The following FPR3 variants were observed in gnomAD, a reference collection of about 807,000 sequenced individuals.
FPR3 encodes N-formyl peptide receptor 3.
For missense variants in FPR3, 346 were observed against 443.2 expected, an observed-to-expected ratio of 0.78 and a Z score of 1.97; for synonymous variants, 135 against 163.6, an observed-to-expected ratio of 0.83 and a Z score of 1.34.
chr19:51,809,531 T>A (rs555081627), intron 1 of FPR3, among the ~76,000 whole-genome samples: 1 of 152,322 alleles, frequency 6.6e-6, no homozygotes, highest in African/African-American at 2.4e-5. Flanking sequence ...GAGAAGGGTG[T>A]GATTTGCAGG....
intron 1 of FPR3, chr19:51,804,142 G>C (rs1379917004): frequency 6.6e-6 from 1 of 151,958 alleles, no homozygotes; most frequent in African/African-American, 2.4e-5. Context: ...TGCTTATAAG[G>C]GTCTGTTGCC....
chr19:51,795,404 G>C (rs767506423), intron 1 of FPR3, 73 bp downstream of exon 1: 2 of 151,274 alleles, frequency 1.3e-5, no homozygotes, highest in Non-Finnish European at 2.9e-5. Context: ...TCTAACTCTG[G>C]AGTAGCGTAG....
chr19:51,819,714 G>T (rs1174841392), intron 1 of FPR3, among the ~76,000 whole-genome samples: 3 of 152,156 alleles, frequency 2.0e-5, no homozygotes. Context: ...AGCAATTAGA[G>T]ACAACCATTT....
chr19:51,809,889 G>A (rs1307435717), intron 1 of FPR3, among the ~76,000 whole-genome samples: 1 of 152,106 alleles, frequency 6.6e-6, no homozygotes, highest in Non-Finnish European at 1.5e-5. Context: ...GACTGGGAAT[G>A]CCCTCATTGT....
chr19:51,808,277 T>G (rs2084073736), intron 1 of FPR3, among the ~76,000 whole-genome samples: 1 of 152,244 alleles, frequency 6.6e-6, no homozygotes, highest in Admixed American at 6.5e-5. Flanking sequence ...TATGGAGAAC[T>G]ACTTTCTGAG....
At chr19:51,810,234 G>A (rs1334049235) in intron 1 of FPR3, among the ~76,000 whole-genome samples, 1 of 152,174 alleles carries the variant, frequency 6.6e-6, no homozygotes. Flanking sequence ...CCTACATCTT[G>A]ACAAGCTCTG....
At position 51,824,876 on chromosome 19, in the gene FPR3, C is replaced by G. The variant is rs776984699; in HGVS notation, c.*66C>G. 44 of 1,282,654 alleles carry G rather than the reference C, an allele frequency of 3.4e-5. No homozygotes were observed. Among genetic ancestry groups the G allele is most frequent in the Non-Finnish European group, 3.9e-5 (37 of 936,842 alleles). The allele number at this position is 1,282,654 out of a possible 1,614,324, so 79.5% of individuals were successfully genotyped here. A position where few individuals can be genotyped will look rare whatever the true frequency, so the allele number is the denominator to read the frequency against. On this transcript the variant is annotated 3_prime_UTR_variant, in exon 2 of 2. Coordinates refer to ENST00000339223, the MANE Select transcript of FPR3 (RefSeq NM_002030.5). This position sits in a 1 kb window ranked among gnomAD's most constrained non-coding sequence, Gnocchi z 4.7. ...GTTAAGCGGAAAAAAAAAATTCTGA[C>G]AGTGTTTTTCTTCCTCTTTCATACC...
At chr19:51,815,681 A>C (rs2122465068) in intron 1 of FPR3, among the ~76,000 whole-genome samples, 2 of 151,686 alleles carry the variant, frequency 1.3e-5, no homozygotes, top group East Asian at 3.9e-4. Context: ...CCAGTCTAGG[A>C]TACATGGCGA....
At chr19:51,805,548 C>T (rs1367705983) in intron 1 of FPR3, among the ~76,000 whole-genome samples, 1 of 152,186 alleles carries the variant, frequency 6.6e-6, no homozygotes, top group Non-Finnish European at 1.5e-5. Flanking sequence ...TACACAAATA[C>T]GAGTGTGATT....
chr19:51,813,613 C>A (rs766457950), intron 1 of FPR3, among the ~76,000 whole-genome samples: 6 of 151,904 alleles, frequency 3.9e-5, no homozygotes, highest in Non-Finnish European at 5.9e-5. Context: ...TCACTGCAAG[C>A]TCCACCTCCC....
intron 1 of FPR3, among the ~76,000 whole-genome samples, chr19:51,811,206 T>G (rs976549262): frequency 7.2e-5 from 11 of 152,148 alleles, no homozygotes; most frequent in African/African-American, 2.7e-4. Flanking sequence ...ATGAGCCCAT[T>G]TTAATCCTTC....
At chr19:51,821,746 G>A (rs1040268959) in intron 1 of FPR3, among the ~76,000 whole-genome samples, 3 of 151,592 alleles carry the variant, frequency 2.0e-5, no homozygotes, top group African/African-American at 7.3e-5. Context: ...TTCAAATCTT[G>A]CTGCCTCCAC....
chr19:51,819,590 T>C (rs1210185574), intron 1 of FPR3, among the ~76,000 whole-genome samples: 1 of 152,180 alleles, frequency 6.6e-6, no homozygotes, highest in East Asian at 1.9e-4. Flanking sequence ...CCACTGGATT[T>C]GGCAGTCTGG....
chr19:51,803,294 A>G (rs7250773), intron 1 of FPR3, among the ~76,000 whole-genome samples: 61,612 of 151,902 alleles, frequency 0.41, 12,757 homozygotes, highest in South Asian at 0.51. Context: ...CAGTACTCTC[A>G]CTAACAACTG....
At chr19:51,812,157 T>G (rs2084101798) in intron 1 of FPR3, among the ~76,000 whole-genome samples, 1 of 152,186 alleles carries the variant, frequency 6.6e-6, no homozygotes, top group Admixed American at 6.5e-5. Context: ...AAAATTAAAG[T>G]AAATTGTTTG....
intron 1 of FPR3, among the ~76,000 whole-genome samples, chr19:51,820,273 C>G (rs1477132297): frequency 6.6e-6 from 1 of 152,194 alleles, no homozygotes; most frequent in East Asian, 1.9e-4. Context: ...AATCATACAT[C>G]CAGTTGTACC....
chr19:51,808,255 A>G (rs907624100), intron 1 of FPR3, among the ~76,000 whole-genome samples: 1 of 152,224 alleles, frequency 6.6e-6, no homozygotes, highest in Non-Finnish European at 1.5e-5. Context: ...TTTAAAGTCT[A>G]TAACCTGTCT....
chr19:51,798,129 G>A (rs10412752), intron 1 of FPR3, among the ~76,000 whole-genome samples: 2,384 of 152,072 alleles, frequency 0.016, 71 homozygotes, highest in African/African-American at 0.055. Flanking sequence ...TTACACCATC[G>A]AGGTGTCAGA....
Position 51,824,130 on chromosome 19 carries a change from C to T in FPR3, c.382C>T (p.Leu128=). The change falls in exon 2 of 2, where the codon CTG becomes TTG. Residue 128 remains leucine (L), a synonymous_variant. Coordinates refer to ENST00000339223, the MANE Select transcript of FPR3 (RefSeq NM_002030.5). The surrounding 1 kb of genome is among the most constrained non-coding windows in gnomAD (Gnocchi z 4.7). ...TGCTCTGGACCGCTGTATTTGTGTC[C>T]TGCATCCAGCCTGGGCCCAGAACCA... is the stretch of plus-strand genomic sequence containing the variant. ...IIALDRCICV[L]HPAWAQNHRT... 3.1e-6 allele frequency: 5 copies of T among 1,613,890 alleles called. No homozygotes were observed. Among genetic ancestry groups the T allele is most frequent in the South Asian group, 1.1e-5 (1 of 91,020 alleles).
Sources: allele counts gnomAD v4.1 joint callset (sites outside exome capture counted in the v4.1 genomes callset), GRCh38; gene constraint gnomAD v4.1.1; non-coding constraint Gnocchi (gnomAD v3.1); transcripts MANE v1.5; gene names NCBI Gene and HGNC (gene_info 2026-07-23, HGNC 2026-07-21).